SV2B: variants seen among roughly 807,000 people sequenced by gnomAD.
The protein encoded by SV2B is solute carrier family 22 member B2.
SV2B carries 41 observed loss-of-function variants against 73.9 expected under a neutral mutation model. That is an observed-to-expected ratio of 0.56 (90% CI 0.43 to 0.72). The LOEUF is 0.72. SV2B is among the 30% of genes least tolerant of loss of function. The pLI is 0.00. For missense variants in SV2B, 764 were observed against 857.8 expected, an observed-to-expected ratio of 0.89 and a Z score of 1.37; for synonymous variants, 314 against 314.2, an observed-to-expected ratio of 1.00 and a Z score of 0.01.
At chr15:91,183,332 C>G (rs964364997) in intron 1 of SV2B, among the ~76,000 whole-genome samples, 5 of 152,202 alleles carry the variant, frequency 3.3e-5, no homozygotes, top group African/African-American at 1.2e-4. Flanking sequence ...CTATTGTATA[C>G]TGTTGAAATA....
Position 91,241,084 on chromosome 15 carries a change from C to G in SV2B, c.452-10735C>G, listed in dbSNP as rs1223160951. Among the ~76,000 whole-genome samples, 2 of 152,220 alleles carry G rather than the reference C, an allele frequency of 1.3e-5. No homozygotes were observed. The highest frequency in any genetic ancestry group is 2.9e-5 in the Non-Finnish European group (2 of 68,048). ...GTTCCAGGTTCATCACGGTCACATT[C>G]CAACCATCTCTCTATTATTGTCCTT... On this transcript the variant is annotated intron_variant, in intron 2 of 12. Transcript: ENST00000394232. The surrounding 1 kb of genome is among the most constrained non-coding windows in gnomAD (Gnocchi z 4.8).
At chr15:91,279,341 C>T (rs1260397779) in intron 9 of SV2B, among the ~76,000 whole-genome samples, 1 of 152,224 alleles carries the variant, frequency 6.6e-6, no homozygotes, top group Non-Finnish European at 1.5e-5. Context: ...ACCATTGGGC[C>T]TGAAGGCAAC....
At position 91,258,922 on chromosome 15, in the gene SV2B, A is replaced by C. The variant is rs1209040538; in HGVS notation, c.918+368A>C. Among the ~76,000 whole-genome samples, 14 of 118,352 alleles carry C rather than the reference A, an allele frequency of 1.2e-4. No individual in the cohort carries two copies. Among genetic ancestry groups the C allele is most frequent in the Non-Finnish European group, 1.7e-4 (10 of 57,748 alleles). 77.6% of individuals were successfully genotyped at this position (118,352 alleles called of 152,430 possible). On this transcript the variant is annotated intron_variant, in intron 5 of 12. Coordinates refer to ENST00000394232, the MANE Select transcript of SV2B (RefSeq NM_001323032.3). The surrounding 1 kb of genome is among the most constrained non-coding windows in gnomAD (Gnocchi z 4.7). ...GGCTACACAGGGAGACCTCATCTCT[A>C]CAAAAAAAAAAAAAAAAAAATTAGT...
chr15:91,204,932 G>C (rs937319475), intron 1 of SV2B, among the ~76,000 whole-genome samples: 1 of 152,136 alleles, frequency 6.6e-6, no homozygotes, highest in East Asian at 1.9e-4. Context: ...CTGAGAGAGC[G>C]TAGAAAACAG....
At chr15:91,133,527 G>A (rs546544795) in intron 1 of SV2B, among the ~76,000 whole-genome samples, 3 of 152,162 alleles carry the variant, frequency 2.0e-5, no homozygotes, top group East Asian at 3.9e-4. Context: ...CTCTAGCTTC[G>A]ACTTCGGCTT....
At chr15:91,109,173 G>A (rs928395228) in intron 1 of SV2B, among the ~76,000 whole-genome samples, 3 of 152,214 alleles carry the variant, frequency 2.0e-5, no homozygotes, top group Admixed American at 2.0e-4. Context: ...ACAGACAAAA[G>A]TACCCTTGGA....
chr15:91,107,459 C>T (rs755288089), intron 1 of SV2B, among the ~76,000 whole-genome samples: 31 of 151,600 alleles, frequency 2.0e-4, no homozygotes, highest in Admixed American at 1.1e-3. Context: ...ACTACAGGCA[C>T]GTGCCACCAC....
intron 9 of SV2B, among the ~76,000 whole-genome samples, chr15:91,273,414 A>G (rs372557805): frequency 6.6e-6 from 1 of 152,254 alleles, no homozygotes; most frequent in Non-Finnish European, 1.5e-5. Flanking sequence ...CAAGTTCTGT[A>G]GCTTACTCCA....
intron 2 of SV2B, among the ~76,000 whole-genome samples, chr15:91,233,691 G>GC (rs57934375): frequency 0.38 from 57,045 of 151,986 alleles, 14,773 homozygotes; most frequent in African/African-American, 0.74. Flanking sequence ...CATCCTCTCT[G>GC]CCCCCATTCA....
chr15:91,277,653 G>A (rs988239912), intron 9 of SV2B, among the ~76,000 whole-genome samples: 4 of 152,180 alleles, frequency 2.6e-5, no homozygotes, highest in Non-Finnish European at 2.9e-5. Flanking sequence ...TTATTGTGGA[G>A]TAGTATTCCA....
chr15:91,194,248 T>A (rs2045157655), intron 1 of SV2B, among the ~76,000 whole-genome samples: 1 of 152,010 alleles, frequency 6.6e-6, no homozygotes, highest in Non-Finnish European at 1.5e-5. Context: ...GGTAGAGCAT[T>A]GGGCATAGCA....
At chr15:91,263,167 GAC>G (rs1266427505) in intron 6 of SV2B, among the ~76,000 whole-genome samples, 1 of 149,444 alleles carries the variant, frequency 6.7e-6, no homozygotes, top group Non-Finnish European at 1.5e-5. Flanking sequence ...CATGAACACA[GAC>G]ACACAGACAC....
At position 91,121,623 on chromosome 15, in the gene SV2B, C is replaced by T. The variant is rs569033590; in HGVS notation, c.-392+21260C>T. ...ACCCATTAGCTGGAAGGGAAGAAAG[C>T]AGAGTTGGCTTAGAGATGAATGCAA... On this transcript the variant is annotated intron_variant, in intron 1 of 12. Transcript: ENST00000394232. The surrounding 1 kb of genome is among the most constrained non-coding windows in gnomAD (Gnocchi z 4.4). Among the ~76,000 whole-genome samples the T allele has an allele frequency of 3.7e-4, 57 of 152,254 alleles. No homozygotes were observed. The highest frequency in any genetic ancestry group is 6.5e-4 in the Non-Finnish European group (44 of 68,010).
chr15:91,188,831 T>C lies in SV2B; in HGVS notation c.-391-37042T>C, dbSNP rs545962733. 6.6e-5 allele frequency among the ~76,000 whole-genome samples: 10 copies of C among 152,200 alleles called. 1 individual carries two copies. The South Asian group carries it at 2.1e-3, about 32-fold the overall frequency. Reference sequence around the variant, plus strand: ...CTATTTTCTCTCTTATTTTTATTAATTTATTTATTTTTGAGATGGAGTTTT... The same window carrying C: ...CTATTTTCTCTCTTATTTTTATTAACTTATTTATTTTTGAGATGGAGTTTT... On this transcript the variant is annotated intron_variant, in intron 1 of 12. Transcript: ENST00000394232.
At chr15:91,255,353 A>G (rs896492827) in intron 4 of SV2B, among the ~76,000 whole-genome samples, 3 of 152,220 alleles carry the variant, frequency 2.0e-5, no homozygotes, top group African/African-American at 7.2e-5. Context: ...GATTATTCTA[A>G]ATTAAGTAAC....
chr15:91,290,328 A>C lies in SV2B; in HGVS notation c.1868+648A>C, dbSNP rs1321444793. On this transcript the variant is annotated intron_variant, in intron 12 of 12. Coordinates refer to ENST00000394232, the MANE Select transcript of SV2B (RefSeq NM_001323032.3). This position sits in a 1 kb window ranked among gnomAD's most constrained non-coding sequence, Gnocchi z 4.7. ...GAAATTCTGCAAAAACCTTAATGAT[A>C]TTTCCAAAATTGGCGACAGAGGTAT... Among the ~76,000 whole-genome samples the C allele has an allele frequency of 1.3e-5, 2 of 152,188 alleles. No homozygotes were observed. The highest frequency in any genetic ancestry group is 4.8e-5 in the African/African-American group (2 of 41,442).
Position 91,220,936 on chromosome 15 carries a change from T to C in SV2B, c.-391-4937T>C, listed in dbSNP as rs980955549. On this transcript the variant is annotated intron_variant, in intron 1 of 12. Transcript: ENST00000394232. The surrounding 1 kb of genome is among the most constrained non-coding windows in gnomAD (Gnocchi z 4.1). ...TGGAGGGCAGTGACATGATCTTGGC[T>C]CACTGCAACCTCCGCCTCCTGGGAT... is the stretch of plus-strand genomic sequence containing the variant. Among the ~76,000 whole-genome samples the C allele has an allele frequency of 3.3e-5, 5 of 152,210 alleles. No individual in the cohort carries two copies. The East Asian group carries it at 5.8e-4, about 18-fold the overall frequency.
Position 91,260,362 on chromosome 15 carries a change from C to T in SV2B, c.961C>T (p.His321Tyr), listed in dbSNP as rs1407725078. ...AGCCTGGATGATTCTCAAGCAAGTC[C>T]ATGACACCAACATGAGAGCTAAGGG... ...DEAWMILKQV[H>Y]DTNMRAKGTP... Residue 321 changes from histidine to tyrosine, a missense_variant, in exon 6 of 13, where the codon CAT becomes TAT. Physicochemically the swap from His to Tyr is moderately conservative, Grantham distance 83 (BLOSUM62 2). Transcript: ENST00000394232. 8.1e-6 allele frequency: 13 copies of T among 1,613,334 alleles called. No homozygotes were observed. The highest frequency in any genetic ancestry group is 5.0e-5 in the Admixed American group (3 of 59,838).
At chr15:91,238,907 C>T (rs1019682432) in intron 2 of SV2B, among the ~76,000 whole-genome samples, 1 of 152,174 alleles carries the variant, frequency 6.6e-6, no homozygotes, top group Non-Finnish European at 1.5e-5. Flanking sequence ...CTCGGGTCCT[C>T]GGTGGAGCTC....
Sources: allele counts gnomAD v4.1 joint callset (sites outside exome capture counted in the v4.1 genomes callset), GRCh38; gene constraint gnomAD v4.1.1; non-coding constraint Gnocchi (gnomAD v3.1); transcripts MANE v1.5; gene names NCBI Gene and HGNC (gene_info 2026-07-23, HGNC 2026-07-21).